Variants in KCNN2 observed in about 807,000 individuals in gnomAD.
KCNN2 encodes small conductance calcium-activated potassium channel protein 2.
Under a neutral mutation model 55.5 loss-of-function variants are expected in KCNN2, and 24 were observed. The observed-to-expected ratio is 0.43, with a 90% CI of 0.31 to 0.61. The LOEUF (loss-of-function observed/expected upper bound fraction) is 0.61. KCNN2 is among the 20% of genes least tolerant of loss of function. The probability of loss-of-function intolerance (pLI) is 0.08; values close to 1 mark genes in which losing one functional copy is unlikely to be tolerated. For synonymous variants in KCNN2, 431 were observed against 336.1 expected (o/e 1.28, Z -3.09); for missense variants, 754 against 853.6 (o/e 0.88, Z 1.45).
chr5:114,339,343 C>T (rs890143072), intron 2 of KCNN2, among the ~76,000 whole-genome samples: 1 of 152,180 alleles, frequency 6.6e-6, no homozygotes, highest in African/African-American at 2.4e-5. Context: ...GTTTCAGTTT[C>T]TCATGGTTCT....
In KCNN2 at chr5:114,126,588, A is replaced by G. The variant is rs1751934525; in HGVS notation, c.-271+70088A>G. Among the ~76,000 whole-genome samples, 3 of 152,118 alleles carry G rather than the reference A, an allele frequency of 2.0e-5. No individual in the cohort carries two copies. The South Asian group carries it at 6.2e-4, about 32-fold the overall frequency. ...GGGATTATGGGAACTACAATTCAAG[A>G]TGAATTATGGGTGGGGACACAGCCA... On this transcript the variant is annotated intron_variant, in intron 1 of 10. Coordinates refer to the KCNN2 transcript ENST00000512097.
At chr5:114,308,989 G>A (rs1561565061) in intron 2 of KCNN2, among the ~76,000 whole-genome samples, 1 of 152,022 alleles carries the variant, frequency 6.6e-6, no homozygotes, top group African/African-American at 2.4e-5. Context: ...TATTTACTCC[G>A]TGACTCAAAA....
intron 1 of KCNN2, among the ~76,000 whole-genome samples, chr5:114,131,085 A>T (rs932593562): frequency 2.6e-5 from 4 of 152,138 alleles, no homozygotes; most frequent in African/African-American, 9.7e-5. Flanking sequence ...TTGAAAGCAC[A>T]ATTTTATTTT....
At chr5:114,132,856 C>G (rs550723468) in intron 1 of KCNN2, among the ~76,000 whole-genome samples, 1 of 152,108 alleles carries the variant, frequency 6.6e-6, no homozygotes, top group East Asian at 1.9e-4. Flanking sequence ...CATGATTATA[C>G]GAATCAAACA....
rs118025851 is a variant in KCNN2 at position 114,328,031 on chromosome 5, G to C, written c.-184-32914G>C. On this transcript the variant is annotated intron_variant, in intron 2 of 10. Coordinates refer to the KCNN2 transcript ENST00000512097. The stretch of plus-strand genomic sequence containing the variant: ...TATAGAGGTCGATCCTGAGGGCTTT[G>C]GGCACATTAGTAAATGTTATGTACT... Among the ~76,000 whole-genome samples, 60 of 152,316 alleles carry C rather than the reference G, an allele frequency of 3.9e-4. No individual in the cohort carries two copies. The East Asian group carries it at 0.011, about 27-fold the overall frequency.
chr5:114,125,375 G>T (rs565300049), intron 1 of KCNN2, among the ~76,000 whole-genome samples: 1 of 152,118 alleles, frequency 6.6e-6, no homozygotes, highest in Non-Finnish European at 1.5e-5. Context: ...ATATCCTGTT[G>T]CATTAGTATT....
chr5:114,431,389 A>G (rs1298660580), intron 3 of KCNN2, among the ~76,000 whole-genome samples: 2 of 152,040 alleles, frequency 1.3e-5, no homozygotes, highest in African/African-American at 2.4e-5. Flanking sequence ...GTTGTTCATA[A>G]TATTACTTTG....
intron 2 of KCNN2, among the ~76,000 whole-genome samples, chr5:114,284,924 A>G (rs906891977): frequency 1.3e-5 from 2 of 152,108 alleles, no homozygotes; most frequent in African/African-American, 4.8e-5. Context: ...AGAGCTGTGA[A>G]AAAAATAAAT....
chr5:114,278,871 T>A (rs888881008), intron 2 of KCNN2, among the ~76,000 whole-genome samples: 2 of 152,162 alleles, frequency 1.3e-5, no homozygotes, highest in African/African-American at 2.4e-5. Flanking sequence ...CTCTGTGGGC[T>A]ACACCCACTG....
At chr5:114,248,468 G>T (rs563182102) in intron 2 of KCNN2, among the ~76,000 whole-genome samples, 1 of 152,258 alleles carries the variant, frequency 6.6e-6, no homozygotes, top group Admixed American at 6.5e-5. Flanking sequence ...AAAGAGCACA[G>T]AACATATCTG....
chr5:114,200,347 ATTTCTGCTTTTTTTTTTCT>A lies in KCNN2; in HGVS notation c.-270-21127_-270-21109del, dbSNP rs879577479. 2.3e-3 allele frequency among the ~76,000 whole-genome samples: 345 copies of A among 151,562 alleles called. 2 individuals carry two copies. The highest frequency in any genetic ancestry group is 4.1e-3 in the Non-Finnish European group (277 of 67,874). Reference sequence around the variant, plus strand: ...CCTCAATGAATTTTTTACTTTCAGAATTTCTGCTTTTTTTTTTCTTTTCTCTAAGATATCTGTCTCTTTG... The same window carrying A: ...CCTCAATGAATTTTTTACTTTCAGAATTTCTCTAAGATATCTGTCTCTTTG... On this transcript the variant is annotated intron_variant, in intron 1 of 10. Transcript: ENST00000512097.
chr5:114,142,268 T>C (rs1294227670), intron 1 of KCNN2, among the ~76,000 whole-genome samples: 1 of 152,222 alleles, frequency 6.6e-6, no homozygotes, highest in African/African-American at 2.4e-5. Flanking sequence ...GTTTTAGGTC[T>C]AACGTTTAAG....
chr5:114,291,633 T>C (rs1302298110), intron 2 of KCNN2, among the ~76,000 whole-genome samples: 1 of 152,240 alleles, frequency 6.6e-6, no homozygotes, highest in East Asian at 1.9e-4. Context: ...CTATTGTGAA[T>C]AGTGCTGCAA....
chr5:114,451,682 G>T (rs1305181296), intron 3 of KCNN2, among the ~76,000 whole-genome samples: 1 of 152,072 alleles, frequency 6.6e-6, no homozygotes, highest in Non-Finnish European at 1.5e-5. Flanking sequence ...GGATTATGAG[G>T]TCAGGAGATC....
intron 2 of KCNN2, among the ~76,000 whole-genome samples, chr5:114,332,231 G>A (rs1561574328): frequency 1.3e-5 from 2 of 152,210 alleles, no homozygotes; most frequent in African/African-American, 4.8e-5. Flanking sequence ...GACAGACACA[G>A]ACTGATAATT....
intron 1 of KCNN2, among the ~76,000 whole-genome samples, chr5:114,124,797 T>C (rs1297172738): frequency 6.6e-6 from 1 of 152,228 alleles, no homozygotes; most frequent in African/African-American, 2.4e-5. Flanking sequence ...GTAACCTTTT[T>C]TTCCTGTCCA....
chr5:114,117,139 C>A (rs1751722528), intron 1 of KCNN2, among the ~76,000 whole-genome samples: 1 of 152,168 alleles, frequency 6.6e-6, no homozygotes, highest in Non-Finnish European at 1.5e-5. Context: ...GAGATCAAGA[C>A]ATGACTAAGC....
chr5:114,472,821 G>GAAATGTTTTTTCCAAATATGCTTT (rs1430455320), intron 4 of KCNN2, among the ~76,000 whole-genome samples: 1 of 152,096 alleles, frequency 6.6e-6, no homozygotes, highest in African/African-American at 2.4e-5. Context: ...TCTTAGAATG[G>GAAATGTTTTTTCCAAATATGCTTT]AAATGTTTTT....
intron 1 of KCNN2, among the ~76,000 whole-genome samples, chr5:114,057,684 C>G (rs1041993095): frequency 6.6e-5 from 10 of 152,028 alleles, no homozygotes; most frequent in Non-Finnish European, 1.3e-4. Context: ...ATGTGCTAGA[C>G]TGGTTACCTT....
Sources: gnomAD v4.1 joint callset for allele counts (sites outside exome capture counted in the v4.1 genomes callset) on GRCh38, gnomAD v4.1.1 for gene constraint, MANE v1.5 for transcripts, NCBI Gene and HGNC (gene_info 2026-07-23, HGNC 2026-07-21) for gene names.